Variants in HPCAL1 observed in about 807,000 individuals in gnomAD.
The protein encoded by HPCAL1 is hippocalcin like 1.
Under a neutral mutation model 17.1 loss-of-function variants are expected in HPCAL1, and 8 were observed. That is an observed-to-expected ratio of 0.47 (90% CI 0.27 to 0.84). The LOEUF is 0.84. Among genes scored for constraint, HPCAL1 ranks in the 40% least tolerant of loss-of-function variants. The probability of loss-of-function intolerance (pLI) is 0.13; values close to 1 mark genes in which losing one functional copy is unlikely to be tolerated. For synonymous variants in HPCAL1, 112 were observed against 111.4 expected, an observed-to-expected ratio of 1.01 and a Z score of -0.03; for missense variants, 165 against 271.1, an observed-to-expected ratio of 0.61 and a Z score of 2.75.
At chr2:10,318,028 A>G (rs1261353084) in intron 1 of HPCAL1, among the ~76,000 whole-genome samples, 1 of 152,188 alleles carries the variant, frequency 6.6e-6, no homozygotes, top group East Asian at 1.9e-4. Context: ...CATTTTTCAG[A>G]ATGGAGAACA....
intron 1 of HPCAL1, among the ~76,000 whole-genome samples, chr2:10,389,825 C>A (rs1399186219): frequency 6.6e-6 from 1 of 152,288 alleles, no homozygotes; most frequent in Non-Finnish European, 1.5e-5. Context: ...GGGGCTGGGA[C>A]AAATTGTGCA....
At chr2:10,400,575 G>A (rs1669537082) in intron 2 of HPCAL1, among the ~76,000 whole-genome samples, 1 of 152,174 alleles carries the variant, frequency 6.6e-6, no homozygotes, top group Admixed American at 6.5e-5. Context: ...CGCTGGTCAT[G>A]AGGCAGGGCA....
intron 1 of HPCAL1, among the ~76,000 whole-genome samples, chr2:10,346,821 C>T (rs1479929264): frequency 6.6e-6 from 1 of 152,000 alleles, no homozygotes; most frequent in Non-Finnish European, 1.5e-5. Context: ...TCCTCCACTG[C>T]TCCCTCCCCA....
intron 1 of HPCAL1, among the ~76,000 whole-genome samples, chr2:10,378,124 A>C (rs578237702): frequency 6.6e-6 from 1 of 150,494 alleles, no homozygotes; most frequent in East Asian, 2.0e-4. Context: ...ACATGGCGGG[A>C]CCCTAAGGAT....
In HPCAL1 at chr2:10,344,786, A is replaced by T. The variant is rs1319366947; in HGVS notation, c.-111+41609A>T. Among the ~76,000 whole-genome samples, 206 of 111,206 alleles carry T rather than the reference A, an allele frequency of 1.9e-3. No individual in the cohort carries two copies. Among genetic ancestry groups the T allele is most frequent in the Middle Eastern group, 6.6e-3 (1 of 152 alleles). The allele number at this position is 111,206 out of a possible 152,430, so 73.0% of individuals were successfully genotyped here. A position where few individuals can be genotyped will look rare whatever the true frequency, so the allele number is the denominator to read the frequency against. ...CTGTGTGTGTCTCTCTCTGTGCCTG[A>T]CTTTCTGTCTCTTTCTGCTTCTCTC... On this transcript the variant is annotated intron_variant, in intron 1 of 4. Transcript: ENST00000307845. This position sits in a 1 kb window ranked among gnomAD's most constrained non-coding sequence, Gnocchi z 4.9.
At chr2:10,372,603 C>G (rs531367513) in intron 1 of HPCAL1, among the ~76,000 whole-genome samples, 2 of 152,304 alleles carry the variant, frequency 1.3e-5, no homozygotes, top group East Asian at 3.9e-4. Context: ...CTGAAGCCCC[C>G]TCACCCAGCT....
rs868756436 is a variant in HPCAL1, at chr2:10,330,429, G to A, written c.-111+27252G>A. Reference sequence around the variant, plus strand: ...CCTTCCCGGTGTATTAGTCAGCTCTGGCTGCTGGAAACGGGGTCATAGTCT... The same window carrying A: ...CCTTCCCGGTGTATTAGTCAGCTCTAGCTGCTGGAAACGGGGTCATAGTCT... On this transcript the variant is annotated intron_variant, in intron 1 of 4. Coordinates refer to ENST00000307845, the MANE Select transcript of HPCAL1 (RefSeq NM_002149.4). This position sits in a 1 kb window ranked among gnomAD's most constrained non-coding sequence, Gnocchi z 4.2. 2.6e-5 allele frequency among the ~76,000 whole-genome samples: 4 copies of A among 152,282 alleles called. No homozygotes were observed. In the Middle Eastern group the frequency reaches 0.014, roughly 518 times the overall value.
chr2:10,338,504 C>A (rs73161267), intron 1 of HPCAL1, among the ~76,000 whole-genome samples: 32,568 of 151,966 alleles, frequency 0.21, 4,450 homozygotes, highest in African/African-American at 0.38. Flanking sequence ...CATGAGACTC[C>A]GTGAGATGAA....
intron 1 of HPCAL1, among the ~76,000 whole-genome samples, chr2:10,353,757 G>A (rs115563987): frequency 8.1e-4 from 124 of 152,182 alleles, no homozygotes; most frequent in African/African-American, 2.6e-3. Flanking sequence ...TTTAGTAGAC[G>A]AGGTCTCACT....
chr2:10,351,471 G>C (rs1665837274), intron 1 of HPCAL1, among the ~76,000 whole-genome samples: 2 of 152,272 alleles, frequency 1.3e-5, no homozygotes, highest in South Asian at 4.1e-4. Flanking sequence ...AGATAAAAAT[G>C]TTCTGGTCAG....
intron 2 of HPCAL1, among the ~76,000 whole-genome samples, chr2:10,408,411 A>G (rs1670108752): frequency 6.6e-6 from 1 of 152,238 alleles, no homozygotes; most frequent in African/African-American, 2.4e-5. Flanking sequence ...GAGCCCCTCC[A>G]GTGGGTAAAA....
intron 1 of HPCAL1, among the ~76,000 whole-genome samples, chr2:10,366,425 G>A (rs1168180378): frequency 2.0e-5 from 3 of 152,036 alleles, no homozygotes; most frequent in Admixed American, 2.0e-4. Context: ...TGGTAGAGAC[G>A]GGGTTTCACC....
rs1258608619 is a variant in HPCAL1, at chr2:10,359,441, G to C, written c.-110-37394G>C. On this transcript the variant is annotated intron_variant, in intron 1 of 4. Coordinates refer to ENST00000307845, the MANE Select transcript of HPCAL1 (RefSeq NM_002149.4). The surrounding 1 kb of genome is among the most constrained non-coding windows in gnomAD (Gnocchi z 4.1). ...AGTTGAGATGTCTTTGTTCCCAGAG[G>C]AAAGTCCCTGCAGGCCCCGGCCTCA... Among the ~76,000 whole-genome samples the C allele has an allele frequency of 6.6e-6, 1 of 152,222 alleles. No individual in the cohort carries two copies. Among genetic ancestry groups the C allele is most frequent in the Non-Finnish European group, 1.5e-5 (1 of 68,038 alleles).
At chr2:10,357,180 G>GCTCT (rs1357468875) in intron 1 of HPCAL1, among the ~76,000 whole-genome samples, 1 of 152,128 alleles carries the variant, frequency 6.6e-6, no homozygotes, top group Non-Finnish European at 1.5e-5. Context: ...CAGGGCCTGT[G>GCTCT]CTCTCCTTTT....
intron 1 of HPCAL1, among the ~76,000 whole-genome samples, chr2:10,351,872 A>G (rs1229711366): frequency 6.6e-6 from 1 of 151,334 alleles, no homozygotes; most frequent in Non-Finnish European, 1.5e-5. Flanking sequence ...CAGTTGTGTC[A>G]CCATTGAGTT....
At chr2:10,411,118 T>C (rs1572847768) in intron 2 of HPCAL1, among the ~76,000 whole-genome samples, 1 of 152,098 alleles carries the variant, frequency 6.6e-6, no homozygotes, top group Non-Finnish European at 1.5e-5. Flanking sequence ...ATGGGCTCCA[T>C]TTACCAGTTT....
At chr2:10,417,295 G>A (rs1363040999) in intron 2 of HPCAL1, among the ~76,000 whole-genome samples, 2 of 151,834 alleles carry the variant, frequency 1.3e-5, no homozygotes, top group Non-Finnish European at 2.9e-5. Context: ...CCCAGGAGGC[G>A]GAGGTTGCAG....
chr2:10,412,251 G>T (rs535092290), intron 2 of HPCAL1, among the ~76,000 whole-genome samples: 1 of 152,238 alleles, frequency 6.6e-6, no homozygotes, highest in Non-Finnish European at 1.5e-5. Context: ...TCACAGCAAA[G>T]GCATCATGGT....
intron 2 of HPCAL1, among the ~76,000 whole-genome samples, chr2:10,418,027 G>A (rs1670782441): frequency 6.6e-6 from 1 of 151,918 alleles, no homozygotes; most frequent in South Asian, 2.1e-4. Context: ...CAGAGTGAGA[G>A]CCTGTCTCAA....
Sources: allele counts gnomAD v4.1 joint callset (sites outside exome capture counted in the v4.1 genomes callset), GRCh38; gene constraint gnomAD v4.1.1; non-coding constraint Gnocchi (gnomAD v3.1); transcripts MANE v1.5; gene names NCBI Gene and HGNC (gene_info 2026-07-23, HGNC 2026-07-21).